The following METTL9 variants were observed in gnomAD, a reference collection of about 807,000 sequenced individuals.
METTL9 encodes the protein protein-L-histidine N-pros-methyltransferase.
A neutral mutation model predicts 36.0 loss-of-function variants in METTL9; 10 were observed. The ratio of observed to expected loss-of-function variants is 0.28; its 90% CI spans 0.17 to 0.47. The LOEUF is 0.47. Ranked by LOEUF, METTL9 falls within the 20% of genes least tolerant of loss-of-function variation. The pLI, the probability that METTL9 is intolerant of heterozygous loss-of-function variation, is 0.99. For missense variants in METTL9, 246 were observed against 383.5 expected (o/e 0.64, Z 3.00); for synonymous variants, 175 against 149.7 (o/e 1.17, Z -1.23).
chr16:21,599,905 G>T lies in METTL9; in HGVS notation c.165+7G>T, dbSNP rs1043959847. 9 of 1,412,428 alleles carry T rather than the reference G, an allele frequency of 6.4e-6. No individual in the cohort carries two copies. Among genetic ancestry groups the T allele is most frequent in the South Asian group, 1.5e-5 (1 of 68,962 alleles). The allele number at this position is 1,412,428 out of a possible 1,614,324, so 87.5% of individuals were successfully genotyped here. A position where few individuals can be genotyped will look rare whatever the true frequency, so the allele number is the denominator to read the frequency against. Reference sequence around the variant, plus strand: ...CAGGAAGGAGAACCACCAGGTACGGGCTGGGGCCGGGGCCGGGGCGGGGGC... The same window carrying T: ...CAGGAAGGAGAACCACCAGGTACGGTCTGGGGCCGGGGCCGGGGCGGGGGC... On this transcript the variant is annotated splice_region_variant and intron_variant, in intron 1 of 4. Coordinates refer to ENST00000358154, the MANE Select transcript of METTL9 (RefSeq NM_016025.5). This position sits in a 1 kb window ranked among gnomAD's most constrained non-coding sequence, Gnocchi z 4.4.
intron 1 of METTL9, chr16:21,612,279 C>T (rs1965442330): frequency 1.2e-5 from 2 of 171,726 alleles, no homozygotes. Flanking sequence ...GAGAGGCCAG[C>T]AGAGCTTTCT....
chr16:21,640,941 C>T (rs921758580), intron 4 of METTL9: 3 of 151,996 alleles, frequency 2.0e-5, no homozygotes, highest in African/African-American at 7.3e-5. Flanking sequence ...TTTGGATTTT[C>T]TGTATTTTGG....
At position 21,599,993 on chromosome 16, in the gene METTL9, G is replaced by T. The variant is rs1965069015; in HGVS notation, c.165+95G>T. On this transcript the variant is annotated intron_variant, in intron 1 of 4. Coordinates refer to ENST00000358154, the MANE Select transcript of METTL9 (RefSeq NM_016025.5). This position sits in a 1 kb window ranked among gnomAD's most constrained non-coding sequence, Gnocchi z 4.4. ...GTGCGGGACGGCTCCGCGAGGGGGC[G>T]GCCCGGCCCTCGCCCCTCCGCCTCG... 2 of 1,071,552 alleles carry T rather than the reference G, an allele frequency of 1.9e-6. No homozygotes were observed. 66.4% of individuals were successfully genotyped at this position (1,071,552 alleles called of 1,614,324 possible). A position where few individuals can be genotyped will look rare whatever the true frequency, so the allele number is the denominator to read the frequency against.
At chr16:21,642,986 A>G (rs1966314743) in intron 4 of METTL9, 2 of 799,136 alleles carry the variant, frequency 2.5e-6, no homozygotes, top group African/African-American at 1.7e-5. Flanking sequence ...GAAGGAAAAC[A>G]TGGTTCTTGA....
intron 4 of METTL9, chr16:21,627,074 G>C (rs775609879): frequency 3.8e-5 from 37 of 985,296 alleles, no homozygotes; most frequent in Non-Finnish European, 4.3e-5. Context: ...CCTGAGACAA[G>C]AAGCCTTGTT....
Position 21,612,726 on chromosome 16 carries a change from ATCT to A in METTL9, c.252_254del (p.Phe84del). ...GAGTTACCTTGATCAAGGAACACAG[ATCT>A]TCTTAAACAACAGCATTGAGAAATC... is the stretch of plus-strand genomic sequence containing the variant. On this transcript the variant is annotated inframe_deletion, in exon 2 of 5. Transcript: ENST00000358154. The A allele has an allele frequency of 6.2e-7, 1 of 1,612,498 alleles. No homozygotes were observed. Among genetic ancestry groups the A allele is most frequent in the Non-Finnish European group, 8.5e-7 (1 of 1,179,706 alleles).
At chr16:21,605,705 T>C (rs1965266686) in intron 1 of METTL9, among the ~76,000 whole-genome samples, 1 of 152,198 alleles carries the variant, frequency 6.6e-6, no homozygotes, top group Non-Finnish European at 1.5e-5. Flanking sequence ...TTTATCTGGT[T>C]TGTGCATGCT....
chr16:21,644,657 G>A lies in METTL9; in HGVS notation c.752-10570G>A, dbSNP rs537022984. On this transcript the variant is annotated intron_variant, in intron 4 of 4. Transcript: ENST00000358154. ...AATTCAACCAACCATTTGTCATATT[G>A]CTAAGCATCACTTTTTAGATAAAGG... Among the ~76,000 whole-genome samples, 3 of 152,222 alleles carry A rather than the reference G, an allele frequency of 2.0e-5. No individual in the cohort carries two copies. The East Asian group carries it at 5.8e-4, about 29-fold the overall frequency.
intron 2 of METTL9, among the ~76,000 whole-genome samples, chr16:21,614,619 C>A (rs1319065557): frequency 1.3e-5 from 2 of 152,170 alleles, no homozygotes; most frequent in Admixed American, 1.3e-4. Flanking sequence ...CCGGTCATGG[C>A]AGTGGGAGAT....
At chr16:21,646,815 G>A (rs950813022) in intron 4 of METTL9, 4 of 355,298 alleles carry the variant, frequency 1.1e-5, no homozygotes, top group South Asian at 4.5e-5. Flanking sequence ...GCCACCATGC[G>A]CGGCTAATTT....
chr16:21,597,269 C>CCGTG (rs1389471573), upstream of METTL9: 16 of 1,289,008 alleles, frequency 1.2e-5, no homozygotes, highest in Admixed American at 3.7e-4. Flanking sequence ...GATCGAAAGA[C>CCGTG]CACGAGCTGG....
chr16:21,618,411 G>C (rs1965606217), intron 3 of METTL9, among the ~76,000 whole-genome samples: 2 of 152,110 alleles, frequency 1.3e-5, no homozygotes, highest in Non-Finnish European at 2.9e-5. Flanking sequence ...CTATTTTTAA[G>C]TGTACAGTTC....
Position 21,655,253 on chromosome 16 carries a change from G to C in METTL9, c.778G>C (p.Glu260Gln). Residue 260 changes from glutamate (E) to glutamine (Q), a missense_variant, in exon 5 of 5, where the codon GAA (glutamate) becomes CAA (glutamine). Physicochemically the swap from Glu to Gln is conservative, Grantham distance 29 (BLOSUM62 2). Transcript: ENST00000358154. ...AGGTGGCAAGTGGGAGAAACCATCA[G>C]AAATTTTGGAAATCAAAGGACAGAA... The part of the protein sequence containing the change: ...NVGGKWEKPS[E>Q]ILEIKGQNWE... 3 of 1,614,130 alleles carry C rather than the reference G, an allele frequency of 1.9e-6. No individual in the cohort carries two copies. The highest frequency in any genetic ancestry group is 2.5e-6 in the Non-Finnish European group (3 of 1,180,010).
chr16:21,651,662 C>T (rs77895433), intron 4 of METTL9, among the ~76,000 whole-genome samples: 3,505 of 152,222 alleles, frequency 0.023, 75 homozygotes, highest in Non-Finnish European at 0.036. Context: ...GTAGTACAGT[C>T]AACCCCCTGC....
intron 1 of METTL9, among the ~76,000 whole-genome samples, chr16:21,601,646 C>G (rs1567323252): frequency 6.6e-6 from 1 of 151,972 alleles, no homozygotes; most frequent in Non-Finnish European, 1.5e-5. Flanking sequence ...CTGACTGTAC[C>G]TTTTAAAAGC....
chr16:21,633,191 C>T (rs934395822), intron 4 of METTL9, among the ~76,000 whole-genome samples: 1 of 152,106 alleles, frequency 6.6e-6, no homozygotes, highest in South Asian at 2.1e-4. Flanking sequence ...GGCCCTCATT[C>T]CTTGCTGAGG....
At chr16:21,635,503 A>C (rs1409111392) in intron 4 of METTL9, among the ~76,000 whole-genome samples, 1 of 152,130 alleles carries the variant, frequency 6.6e-6, no homozygotes, top group Non-Finnish European at 1.5e-5. Context: ...TCCTTCAATG[A>C]AAAGAAAGCT....
At chr16:21,632,765 C>G (rs757449624) in intron 4 of METTL9, among the ~76,000 whole-genome samples, 1 of 152,196 alleles carries the variant, frequency 6.6e-6, no homozygotes, top group East Asian at 1.9e-4. Context: ...AGATGGCCAC[C>G]GCCGCAACTA....
At position 21,609,707 on chromosome 16, in the gene METTL9, G is replaced by A. The variant is rs193229468; in HGVS notation, c.166-2938G>A. Among the ~76,000 whole-genome samples, 458 of 152,164 alleles carry A rather than the reference G, an allele frequency of 3.0e-3. 4 individuals carry two copies. The highest frequency in any genetic ancestry group is 9.9e-3 in the African/African-American group (413 of 41,510). On this transcript the variant is annotated intron_variant, in intron 1 of 4. Coordinates refer to ENST00000358154, the MANE Select transcript of METTL9 (RefSeq NM_016025.5). ...AGCTGTGTGATGGAGTGAGGGTCCAGGGGTCATGGGTTGGTAGGGAATGTC... is the reference window on the plus strand; with the variant it reads ...AGCTGTGTGATGGAGTGAGGGTCCAAGGGTCATGGGTTGGTAGGGAATGTC...
Sources: allele counts gnomAD v4.1 joint callset (sites outside exome capture counted in the v4.1 genomes callset), GRCh38; gene constraint gnomAD v4.1.1; non-coding constraint Gnocchi (gnomAD v3.1); transcripts MANE v1.5; gene names NCBI Gene and HGNC (gene_info 2026-07-23, HGNC 2026-07-21).